STARD8: variants seen among roughly 807,000 people sequenced by gnomAD.
STARD8 encodes the protein StAR related lipid transfer domain containing 8, also known as stAR-related lipid transfer protein 8.
In STARD8, 25 loss-of-function variants were observed where a neutral mutation model predicts 69.4. The ratio of observed to expected loss-of-function variants is 0.36; its 90% CI spans 0.26 to 0.50. The LOEUF (loss-of-function observed/expected upper bound fraction) is 0.50. Among genes scored for constraint, STARD8 ranks in the 20% least tolerant of loss-of-function variants. The probability of loss-of-function intolerance (pLI) is 0.96; values close to 1 mark genes in which losing one functional copy is unlikely to be tolerated. For synonymous variants in STARD8, 389 were observed against 374.6 expected, an observed-to-expected ratio of 1.04 and a Z score of -0.45; for missense variants, 921 against 932.5, an observed-to-expected ratio of 0.99 and a Z score of 0.16.
At chrX:68,692,694 A>G (rs1279264541) in intron 2 of STARD8, among the ~76,000 whole-genome samples, 2 of 112,659 alleles carry the variant, frequency 1.8e-5, no homozygotes, top group Non-Finnish European at 3.7e-5. Context: ...CTTCAGCTCT[A>G]CAAAAAATGT....
At chrX:68,668,274 C>CTCTTTCTT (rs72167486) in intron 2 of STARD8, among the ~76,000 whole-genome samples, 2 of 66,743 alleles carry the variant, frequency 3.0e-5, no homozygotes, top group Admixed American at 1.7e-4. Context: ...TTCTTTCTTT[C>CTCTTTCTT]TCTTTCTTTC....
chrX:68,707,336 A>G (rs191537761), intron 2 of STARD8, among the ~76,000 whole-genome samples: 38 of 110,804 alleles, frequency 3.4e-4, no homozygotes, highest in African/African-American at 1.2e-3. Context: ...GATGCTGGTC[A>G]CTCTCCCTGC....
intron 2 of STARD8, among the ~76,000 whole-genome samples, chrX:68,687,088 T>TTTTA (rs1556025564): frequency 9.0e-6 from 1 of 110,772 alleles, no homozygotes; most frequent in Non-Finnish European, 1.9e-5. Flanking sequence ...ATCCTTTTAT[T>TTTTA]TTTATTTATT....
At chrX:68,665,437 C>T (rs1051004788) in intron 1 of STARD8, 62 bp from the exon 2 acceptor site, 60 of 1,137,373 alleles carry the variant, frequency 5.3e-5, no homozygotes, top group Middle Eastern at 2.4e-4. Flanking sequence ...ACTTTAAGAT[C>T]GCTTTCAGTT....
chrX:68,722,423 T>C lies in STARD8; in HGVS notation c.2576T>C (p.Val859Ala). The change falls in exon 12 of 15, where the codon GTG becomes GCG. Residue 859 changes from valine to alanine, a missense_variant and splice_region_variant. Val to Ala is a moderately conservative substitution (Grantham distance 64). Transcript: ENST00000374599. ...CCCATTGTGTGTGTGCCCTCTCAGGTGCCCCAGGACATGGTGCTGCAGCTG... is the reference window on the plus strand; with the variant it reads ...CCCATTGTGTGTGTGCCCTCTCAGGCGCCCCAGGACATGGTGCTGCAGCTG... ...MISDCKKLFQ[V>A]PQDMVLQLCS... The C allele has an allele frequency of 1.7e-6, 2 of 1,193,876 alleles. No individual in the cohort carries two copies. Among genetic ancestry groups the C allele is most frequent in the South Asian group, 3.7e-5 (2 of 54,672 alleles).
intron 2 of STARD8, among the ~76,000 whole-genome samples, chrX:68,684,146 A>G: frequency 8.9e-6 from 1 of 112,578 alleles, no homozygotes; most frequent in Non-Finnish European, 1.9e-5. Context: ...GCTATGTGTC[A>G]TATTATGTCC....
Position 68,668,236 on chromosome X carries a change from CTCTTTCTTTCTTTCTT to C in STARD8, c.79+2728_79+2743del, listed in dbSNP as rs778005383. Among the ~76,000 whole-genome samples, 197 of 73,229 alleles carry C rather than the reference CTCTTTCTTTCTTTCTT, an allele frequency of 2.7e-3. 3 individuals carry two copies. The highest frequency in any genetic ancestry group is 0.012 in the African/African-American group (185 of 15,037). The allele number at this position is 73,229 out of a possible 115,157, so 63.6% of individuals were successfully genotyped here. ...CTCCTTCTTCTTTCTCTTTTTTCTC[CTCTTTCTTTCTTTCTT>C]TCTTTCTTTCTTTCTTTCTTTCTCT... is the stretch of plus-strand genomic sequence containing the variant. On this transcript the variant is annotated intron_variant, in intron 2 of 14. Transcript: ENST00000374599.
chrX:68,697,307 G>T (rs914488550), intron 2 of STARD8, among the ~76,000 whole-genome samples: 1 of 111,971 alleles, frequency 8.9e-6, no homozygotes, highest in East Asian at 2.8e-4. Flanking sequence ...TGAGGGGAAG[G>T]TGACGGACAG....
intron 7 of STARD8, 73 bp downstream of exon 7, chrX:68,719,471 A>G: frequency 9.4e-7 from 1 of 1,060,083 alleles, no homozygotes; most frequent in Non-Finnish European, 1.2e-6. Context: ...GGGTCAGCCC[A>G]GGAGGTGGGT....
chrX:68,688,627 G>A (rs754629683), intron 2 of STARD8, among the ~76,000 whole-genome samples: 1,284 of 111,955 alleles, frequency 0.011, 20 homozygotes, highest in African/African-American at 0.04. Context: ...AAGGAGGTAG[G>A]ATCCTGAGGG....
rs1347122960 is a variant in STARD8, at chrX:68,718,579, C to T, written c.1665C>T (p.Pro555=). ...GPLAGLQASM[P]RERRDSGVGA... ...TGGCTGGACTCCAGGCATCAATGCCCCGTGAACGGCGCGATTCAGGTGTTG... is the reference window on the plus strand; with the variant it reads ...TGGCTGGACTCCAGGCATCAATGCCTCGTGAACGGCGCGATTCAGGTGTTG... Residue 555 remains proline (P), a synonymous_variant, in exon 6 of 15, where the codon CCC becomes CCT. Coordinates refer to ENST00000374599, the MANE Select transcript of STARD8 (RefSeq NM_001142503.3). The T allele has an allele frequency of 1.7e-6, 2 of 1,209,717 alleles. No individual in the cohort carries two copies. Among genetic ancestry groups the T allele is most frequent in the Admixed American group, 2.2e-5 (1 of 45,874 alleles).
chrX:68,722,813 G>A, intron 12 of STARD8, among the ~76,000 whole-genome samples, 167 bp downstream of exon 12: 1 of 112,387 alleles, frequency 8.9e-6, no homozygotes, highest in Non-Finnish European at 1.9e-5. Context: ...AGTACCTTAA[G>A]GAATCAAGAA....
At position 68,723,863 on chromosome X, in the gene STARD8, A is replaced by G. The variant is rs2080174847; in HGVS notation, c.3017+20A>G. 8.3e-7 allele frequency: 1 copy of G among 1,203,209 alleles called. No individual in the cohort carries two copies. The highest frequency in any genetic ancestry group is 1.8e-5 in the African/African-American group (1 of 57,056). ...GCTTCGGTGAGGGGCTGCAGCTGCTACCCTTCTGTGCTTGGGGGGCCGGAG... is the reference window on the plus strand; with the variant it reads ...GCTTCGGTGAGGGGCTGCAGCTGCTGCCCTTCTGTGCTTGGGGGGCCGGAG... On this transcript the variant is annotated intron_variant, in intron 13 of 14. Coordinates refer to ENST00000374599, the MANE Select transcript of STARD8 (RefSeq NM_001142503.3).
chrX:68,721,622 C>T lies in STARD8; in HGVS notation c.2335C>T (p.Leu779Phe). 1 of 1,212,254 alleles carries T rather than the reference C, an allele frequency of 8.2e-7. No individual in the cohort carries two copies. Among genetic ancestry groups the T allele is most frequent in the Non-Finnish European group, 1.1e-6 (1 of 895,600 alleles). ...GAACCGAGAGGTGCTACAGACCCTG[C>T]TCTACTTCTTAAGTGACATTGCCTC... Reference protein sequence around the residue: ...DENREVLQTLLYFLSDIASAE... With the variant: ...DENREVLQTLFYFLSDIASAE... Residue 779 changes from leucine (L) to phenylalanine (F), a missense_variant, in exon 10 of 15, where the codon CTC (leucine) becomes TTC (phenylalanine). Physicochemically the swap from Leu to Phe is conservative, Grantham distance 22. Coordinates refer to ENST00000374599, the MANE Select transcript of STARD8 (RefSeq NM_001142503.3).
rs142768276 is a variant in STARD8, at chrX:68,697,377, T to A, written c.80-15537T>A. Among the ~76,000 whole-genome samples the A allele has an allele frequency of 8.2e-3, 914 of 111,829 alleles. 3 individuals are homozygous for A. The highest frequency in any genetic ancestry group is 0.019 in the African/African-American group (594 of 30,744). On this transcript the variant is annotated intron_variant, in intron 2 of 14. Transcript: ENST00000374599. Reference sequence around the variant, plus strand: ...GGCCCAGGAAAGGTCCCAGCCCAGATGTTAGCCGCCTCTAGGGCTCCAGAT... The same window carrying A: ...GGCCCAGGAAAGGTCCCAGCCCAGAAGTTAGCCGCCTCTAGGGCTCCAGAT...
At chrX:68,652,869 A>ACC (rs1569350744) in intron 1 of STARD8, among the ~76,000 whole-genome samples, 4 of 1,697 alleles carry the variant, frequency 2.4e-3, no homozygotes, top group Non-Finnish European at 2.1e-3. Context: ...ACACACACAC[A>ACC]CACCCACACC....
intron 2 of STARD8, among the ~76,000 whole-genome samples, chrX:68,695,635 T>G (rs989637332): frequency 9.0e-6 from 1 of 111,377 alleles, no homozygotes; most frequent in East Asian, 2.8e-4. Flanking sequence ...CGCTGTGTGC[T>G]TGCTTGAGAC....
At chrX:68,696,835 T>A (rs374739795) in intron 2 of STARD8, among the ~76,000 whole-genome samples, 1 of 112,105 alleles carries the variant, frequency 8.9e-6, no homozygotes, top group African/African-American at 3.2e-5. Context: ...GAATGTACCA[T>A]CTAGTTTGGG....
intron 2 of STARD8, among the ~76,000 whole-genome samples, chrX:68,691,085 G>A (rs1214075655): frequency 9.0e-6 from 1 of 111,252 alleles, no homozygotes; most frequent in African/African-American, 3.3e-5. Context: ...GTAGAATGAG[G>A]AAAGCCCCAT....
Sources: allele counts gnomAD v4.1 joint callset (sites outside exome capture counted in the v4.1 genomes callset), GRCh38; gene constraint gnomAD v4.1.1; transcripts MANE v1.5; gene names NCBI Gene and HGNC (gene_info 2026-07-23, HGNC 2026-07-21).